BAZ1A: variants seen among roughly 807,000 people sequenced by gnomAD.
BAZ1A encodes bromodomain adjacent to zinc finger domain protein 1A.
BAZ1A carries 50 observed loss-of-function variants against 185.2 expected under a neutral mutation model. That is an observed-to-expected ratio of 0.27 (90% CI 0.22 to 0.34). BAZ1A has a LOEUF of 0.34. BAZ1A is among the 10% of genes least tolerant of loss of function. The probability of loss-of-function intolerance (pLI) is 1.00; values close to 1 mark genes in which losing one functional copy is unlikely to be tolerated. For synonymous variants in BAZ1A, 571 were observed against 615.6 expected, an observed-to-expected ratio of 0.93 and a Z score of 1.07; for missense variants, 1,356 against 1,839.9, an observed-to-expected ratio of 0.74 and a Z score of 4.81.
At chr14:34,871,368 G>A (rs2042945565) in intron 2 of BAZ1A, among the ~76,000 whole-genome samples, 2 of 152,168 alleles carry the variant, frequency 1.3e-5, no homozygotes, top group South Asian at 2.1e-4. Context: ...AGAATAAATC[G>A]TATTTAAGAG....
intron 17 of BAZ1A, among the ~76,000 whole-genome samples, chr14:34,778,658 A>G (rs1035577252): frequency 7.9e-5 from 12 of 152,156 alleles, no homozygotes; most frequent in African/African-American, 2.7e-4. Context: ...TTATTTTTGC[A>G]TACATTTTCA....
chr14:34,756,569 G>A (rs530038320), intron 25 of BAZ1A, among the ~76,000 whole-genome samples: 2 of 146,044 alleles, frequency 1.4e-5, no homozygotes, highest in Admixed American at 7.1e-5. Context: ...GGGTTCAAGC[G>A]ATTCTCCTGC....
intron 6 of BAZ1A, among the ~76,000 whole-genome samples, chr14:34,804,747 A>T (rs1157104588): frequency 6.6e-6 from 1 of 152,228 alleles, no homozygotes; most frequent in Non-Finnish European, 1.5e-5. Context: ...GTTTCTTCTC[A>T]AATATCACAC....
intron 3 of BAZ1A, among the ~76,000 whole-genome samples, chr14:34,848,084 A>G (rs762240731): frequency 9.9e-5 from 15 of 151,434 alleles, no homozygotes; most frequent in Non-Finnish European, 2.2e-4. Context: ...CTGGTCTTGA[A>G]CTCCTGAGCC....
At chr14:34,864,190 C>T (rs765086582) in intron 2 of BAZ1A, among the ~76,000 whole-genome samples, 9 of 152,060 alleles carry the variant, frequency 5.9e-5, no homozygotes, top group African/African-American at 9.7e-5. Context: ...GTTGCCCAGG[C>T]TGGAGTGCAG....
At chr14:34,794,479 C>T (rs11622604) in intron 11 of BAZ1A, among the ~76,000 whole-genome samples, 2,259 of 152,246 alleles carry the variant, frequency 0.015, 32 homozygotes, top group Middle Eastern at 0.024. Context: ...CAGGCCTAGG[C>T]TTTAAGAGGG....
At chr14:34,858,445 C>T (rs1352245948) in intron 3 of BAZ1A, among the ~76,000 whole-genome samples, 1 of 152,016 alleles carries the variant, frequency 6.6e-6, no homozygotes, top group Non-Finnish European at 1.5e-5. Flanking sequence ...CAATAGTGCT[C>T]ACAGCAAGTT....
At chr14:34,862,990 T>C (rs1319667837) in intron 2 of BAZ1A, among the ~76,000 whole-genome samples, 43 of 73,556 alleles carry the variant, frequency 5.8e-4, no homozygotes, top group African/African-American at 1.3e-3. Flanking sequence ...CACTCTCTCT[T>C]TTTTTTTTTT....
At chr14:34,760,442 C>T (rs781287386) in intron 24 of BAZ1A, among the ~76,000 whole-genome samples, 12 of 150,456 alleles carry the variant, frequency 8.0e-5, no homozygotes, top group Middle Eastern at 3.2e-3. Context: ...GCTGCGTATC[C>T]GAATAATGCA....
At chr14:34,792,576 G>A (rs1423586408) in intron 12 of BAZ1A, among the ~76,000 whole-genome samples, 199 bp downstream of exon 12, 1 of 152,128 alleles carries the variant, frequency 6.6e-6, no homozygotes, top group Non-Finnish European at 1.5e-5. Flanking sequence ...ATATCTTTAA[G>A]GTTGTCAGAC....
rs1886080503 is a variant in BAZ1A at position 34,753,026 on chromosome 14, C to T, written c.*482G>A. The T allele has an allele frequency of 1.3e-5, 2 of 152,840 alleles. No individual in the cohort carries two copies. Among genetic ancestry groups the T allele is most frequent in the African/African-American group, 4.8e-5 (2 of 41,444 alleles). The allele number at this position is 152,840 out of a possible 1,614,324, so 9.5% of individuals were successfully genotyped here. ...ATACCTGCAGCCAGCACTGGTACAG[C>T]ACTTCAAGGTTATAAGATTGGATTC... On this transcript the variant is annotated 3_prime_UTR_variant, in exon 27 of 27. Transcript: ENST00000360310.
At chr14:34,832,215 C>T (rs55657612) in intron 3 of BAZ1A, among the ~76,000 whole-genome samples, 4,350 of 87,016 alleles carry the variant, frequency 0.05, 305 homozygotes, top group African/African-American at 0.069. Context: ...CACACACACA[C>T]ATATATATAT....
At chr14:34,817,430 A>C (rs2042022801) in intron 4 of BAZ1A, among the ~76,000 whole-genome samples, 1 of 152,172 alleles carries the variant, frequency 6.6e-6, no homozygotes, top group African/African-American at 2.4e-5. Flanking sequence ...TCTACTAAAA[A>C]TACAAAAATT....
chr14:34,840,312 G>A (rs989845693), intron 3 of BAZ1A, among the ~76,000 whole-genome samples: 1 of 152,020 alleles, frequency 6.6e-6, no homozygotes, highest in African/African-American at 2.4e-5. Context: ...AAAAATCCCT[G>A]TTTTTTCAGA....
chr14:34,861,893 GA>G (rs2042774392), intron 3 of BAZ1A, 150 bp downstream of exon 3: 1 of 860,298 alleles, frequency 1.2e-6, no homozygotes, highest in South Asian at 1.8e-5. Flanking sequence ...AGATATACAA[GA>G]AACAGCTAAC....
At chr14:34,761,445 G>A (rs1442032527) in intron 24 of BAZ1A, among the ~76,000 whole-genome samples, 2 of 152,194 alleles carry the variant, frequency 1.3e-5, no homozygotes, top group Non-Finnish European at 2.9e-5. Context: ...GGAGGAAAAG[G>A]TGGGAGAGAG....
intron 4 of BAZ1A, among the ~76,000 whole-genome samples, chr14:34,815,423 G>C (rs1259257506): frequency 6.6e-6 from 1 of 152,076 alleles, no homozygotes; most frequent in Non-Finnish European, 1.5e-5. Context: ...CCAAAGCCTT[G>C]GCCTAAATAG....
chr14:34,784,376 A>C lies in BAZ1A; in HGVS notation c.1832-449T>G, dbSNP rs1351442735. On this transcript the variant is annotated intron_variant, in intron 14 of 26. Transcript: ENST00000360310. ...GAGTGAGACTCTGTCTCAAAAAAAA[A>C]AAAAAAAAAAAAAAAAAAAGGCAAC... Among the ~76,000 whole-genome samples, 69 of 78,680 alleles carry C rather than the reference A, an allele frequency of 8.8e-4. 2 individuals are homozygous for C. The highest frequency in any genetic ancestry group is 1.7e-3 in the African/African-American group (49 of 29,016). 51.6% of individuals were successfully genotyped at this position (78,680 alleles called of 152,430 possible). A position where few individuals can be genotyped will look rare whatever the true frequency, so the allele number is the denominator to read the frequency against.
intron 6 of BAZ1A, among the ~76,000 whole-genome samples, chr14:34,804,576 G>C (rs1440610659): frequency 6.6e-6 from 1 of 152,134 alleles, no homozygotes; most frequent in Non-Finnish European, 1.5e-5. Context: ...AATAAATCAA[G>C]AATCTATCAA....
Sources: allele counts gnomAD v4.1 joint callset (sites outside exome capture counted in the v4.1 genomes callset), GRCh38; gene constraint gnomAD v4.1.1; transcripts MANE v1.5; gene names NCBI Gene and HGNC (gene_info 2026-07-23, HGNC 2026-07-21).